AGBL4: variants seen among roughly 807,000 people sequenced by gnomAD.
AGBL4 encodes AGBL carboxypeptidase 4.
AGBL4 carries 58 observed loss-of-function variants against 66.4 expected under a neutral mutation model. That is an observed-to-expected ratio of 0.87 (90% confidence interval 0.71 to 1.09). The LOEUF (loss-of-function observed/expected upper bound fraction) is 1.09, where lower values mean the gene tolerates loss of function less well. AGBL4 is among the 50% of genes least tolerant of loss of function. AGBL4 has a pLI of 0.00. For missense variants in AGBL4, 579 were observed against 631.0 expected, an observed-to-expected ratio of 0.92 and a Z score of 0.88; for synonymous variants, 234 against 222.9, an observed-to-expected ratio of 1.05 and a Z score of -0.44.
chr1:48,803,488 CT>C (rs1234382752), intron 6 of AGBL4, among the ~76,000 whole-genome samples: 1 of 152,120 alleles, frequency 6.6e-6, no homozygotes, highest in African/African-American at 2.4e-5. Context: ...ATGCATTTTC[CT>C]GTCAATTTTT....
chr1:49,588,655 G>C (rs536511579), intron 3 of AGBL4, among the ~76,000 whole-genome samples: 1 of 152,130 alleles, frequency 6.6e-6, no homozygotes, highest in Non-Finnish European at 1.5e-5. Context: ...TCTCTTATAT[G>C]TGCCTATATC....
At chr1:49,747,473 A>G (rs755841302) in intron 2 of AGBL4, among the ~76,000 whole-genome samples, 16 of 152,186 alleles carry the variant, frequency 1.1e-4, no homozygotes, top group Non-Finnish European at 2.1e-4. Context: ...CTAATCCCAC[A>G]AGAGCAATTG....
intron 2 of AGBL4, among the ~76,000 whole-genome samples, chr1:49,729,467 A>G (rs1649267270): frequency 6.6e-6 from 1 of 152,220 alleles, no homozygotes; most frequent in Non-Finnish European, 1.5e-5. Context: ...ACAGATGAGA[A>G]GATGTAGTAA....
intron 2 of AGBL4, among the ~76,000 whole-genome samples, chr1:49,817,252 T>C (rs1006748324): frequency 5.3e-5 from 8 of 152,126 alleles, no homozygotes; most frequent in African/African-American, 1.9e-4. Flanking sequence ...CTAAAAACCT[T>C]AAAAAGAAAG....
chr1:49,740,417 A>C (rs531842487), intron 2 of AGBL4, among the ~76,000 whole-genome samples: 1 of 152,310 alleles, frequency 6.6e-6, no homozygotes, highest in East Asian at 1.9e-4. Context: ...TTAGAGACCT[A>C]CAAAGAGACG....
At chr1:49,894,395 T>C (rs1268946885) in intron 1 of AGBL4, among the ~76,000 whole-genome samples, 1 of 152,124 alleles carries the variant, frequency 6.6e-6, no homozygotes, top group African/African-American at 2.4e-5. Flanking sequence ...TAGGGATCAA[T>C]TCTGAAGAAA....
intron 4 of AGBL4, among the ~76,000 whole-genome samples, chr1:49,226,907 C>T (rs1293794262): frequency 6.6e-6 from 1 of 152,182 alleles, no homozygotes; most frequent in African/African-American, 2.4e-5. Context: ...AGTCCAAGGT[C>T]AAAGTGAGGG....
At chr1:49,832,747 A>G (rs1343650468) in intron 2 of AGBL4, among the ~76,000 whole-genome samples, 3 of 152,172 alleles carry the variant, frequency 2.0e-5, no homozygotes, top group Non-Finnish European at 2.9e-5. Flanking sequence ...CTGATAGCCA[A>G]TGATGGTGAG....
chr1:49,250,791 T>C (rs940363734), intron 3 of AGBL4, among the ~76,000 whole-genome samples: 27 of 152,090 alleles, frequency 1.8e-4, no homozygotes, highest in Admixed American at 1.8e-3. Flanking sequence ...AGTCACCCAC[T>C]CTCACTACCA....
chr1:49,950,153 T>C (rs1021296936), intron 1 of AGBL4, among the ~76,000 whole-genome samples: 1 of 144,908 alleles, frequency 6.9e-6, no homozygotes, highest in African/African-American at 2.5e-5. Flanking sequence ...TATGTGTATA[T>C]ATATACACAC....
intron 4 of AGBL4, among the ~76,000 whole-genome samples, chr1:49,105,998 C>T (rs189412675): frequency 6.6e-6 from 1 of 152,148 alleles, no homozygotes; most frequent in Admixed American, 6.6e-5. Flanking sequence ...GAGCTAATAT[C>T]ATTTCTTAAG....
At chr1:49,223,326 G>C (rs1001236949) in intron 4 of AGBL4, among the ~76,000 whole-genome samples, 3 of 151,858 alleles carry the variant, frequency 2.0e-5, no homozygotes, top group African/African-American at 7.3e-5. Flanking sequence ...GGAAGGAGGA[G>C]GATTTATCAG....
intron 1 of AGBL4, among the ~76,000 whole-genome samples, chr1:49,891,374 G>A (rs1648627290): frequency 6.6e-6 from 1 of 152,084 alleles, no homozygotes; most frequent in South Asian, 2.1e-4. Flanking sequence ...TCAACCCTGG[G>A]CAATTTTGCT....
intron 1 of AGBL4, among the ~76,000 whole-genome samples, chr1:49,999,613 C>T (rs1410730628): frequency 6.6e-6 from 1 of 151,984 alleles, no homozygotes; most frequent in African/African-American, 2.4e-5. Flanking sequence ...AAAGAGCCTA[C>T]CTAGCCAAAG....
chr1:49,611,380 T>C (rs984253766), intron 3 of AGBL4, among the ~76,000 whole-genome samples: 1 of 147,220 alleles, frequency 6.8e-6, no homozygotes, highest in African/African-American at 2.5e-5. Context: ...TATTCTTTTT[T>C]TTTTTTTTTT....
At chr1:49,170,776 T>A (rs1309795787) in intron 4 of AGBL4, among the ~76,000 whole-genome samples, 1 of 152,034 alleles carries the variant, frequency 6.6e-6, no homozygotes, top group Non-Finnish European at 1.5e-5. Flanking sequence ...TTCTTTGTTA[T>A]GGTAGTTATC....
intron 3 of AGBL4, among the ~76,000 whole-genome samples, chr1:49,557,518 C>A (rs1056210626): frequency 6.6e-6 from 1 of 152,068 alleles, no homozygotes; most frequent in African/African-American, 2.4e-5. Flanking sequence ...CAGGGCTGTC[C>A]TCTTAGAGCA....
intron 3 of AGBL4, among the ~76,000 whole-genome samples, chr1:49,530,274 A>AAAAAAAAAAAC (rs1553221141): frequency 1.6e-4 from 21 of 134,820 alleles, no homozygotes; most frequent in African/African-American, 6.1e-4. Context: ...AAAAAAAAAC[A>AAAAAAAAAAAC]AAAAAAAACT....
chr1:49,245,139 T>A (rs1184549580), intron 4 of AGBL4, among the ~76,000 whole-genome samples: 1 of 151,376 alleles, frequency 6.6e-6, no homozygotes, highest in Non-Finnish European at 1.5e-5. Flanking sequence ...ATAAGTGAGG[T>A]AGTTATTATT....
Sources: allele counts gnomAD v4.1 joint callset (sites outside exome capture counted in the v4.1 genomes callset), GRCh38; gene constraint gnomAD v4.1.1; transcripts MANE v1.5; gene names NCBI Gene and HGNC (gene_info 2026-07-23, HGNC 2026-07-21).